The following SPOCK1 variants were observed in gnomAD, a reference collection of about 807,000 sequenced individuals.
SPOCK1 encodes the protein testican-1.
Under a neutral mutation model 55.3 loss-of-function variants are expected in SPOCK1, and 23 were observed. The observed-to-expected ratio is 0.42, with a 90% CI of 0.30 to 0.59. The LOEUF (loss-of-function observed/expected upper bound fraction) is 0.59, where lower values mean the gene tolerates loss of function less well. Ranked by LOEUF, SPOCK1 falls within the 20% of genes least tolerant of loss-of-function variation. The probability of loss-of-function intolerance (pLI) is 0.22; values close to 1 mark genes in which losing one functional copy is unlikely to be tolerated. For synonymous variants in SPOCK1, 226 were observed against 221.0 expected, an observed-to-expected ratio of 1.02 and a Z score of -0.20; for missense variants, 499 against 552.5, an observed-to-expected ratio of 0.90 and a Z score of 0.97.
chr5:137,142,936 G>A (rs967867459), intron 3 of SPOCK1, among the ~76,000 whole-genome samples: 2 of 152,178 alleles, frequency 1.3e-5, no homozygotes, highest in East Asian at 3.9e-4. Context: ...CAACAATTAA[G>A]AATGATTACC....
intron 3 of SPOCK1, among the ~76,000 whole-genome samples, chr5:137,194,752 G>T (rs1193981356): frequency 6.6e-6 from 1 of 152,098 alleles, no homozygotes; most frequent in Admixed American, 6.5e-5. Flanking sequence ...CTACCCCAGA[G>T]CATTCAGTGA....
At chr5:136,994,797 G>A (rs1319910356) in intron 6 of SPOCK1, among the ~76,000 whole-genome samples, 1 of 151,942 alleles carries the variant, frequency 6.6e-6, no homozygotes, top group Non-Finnish European at 1.5e-5. Flanking sequence ...CCTGAGGTCA[G>A]AAGGTTGAGA....
At chr5:137,179,138 G>A (rs1745016056) in intron 3 of SPOCK1, among the ~76,000 whole-genome samples, 1 of 152,186 alleles carries the variant, frequency 6.6e-6, no homozygotes, top group Non-Finnish European at 1.5e-5. Context: ...AAATAGGACT[G>A]TGCAAAAAGG....
At chr5:137,284,191 T>C (rs1223239609) in intron 2 of SPOCK1, among the ~76,000 whole-genome samples, 3 of 152,142 alleles carry the variant, frequency 2.0e-5, no homozygotes, top group South Asian at 2.1e-4. Flanking sequence ...TCACATCTGG[T>C]TCTGTCCAAC....
At chr5:136,987,782 C>T (rs775225586) in intron 8 of SPOCK1, among the ~76,000 whole-genome samples, 1 of 152,152 alleles carries the variant, frequency 6.6e-6, no homozygotes, top group Non-Finnish European at 1.5e-5. Context: ...CTGTGACTGC[C>T]ATACTCAGGT....
At chr5:137,163,488 C>T (rs1031670233) in intron 3 of SPOCK1, among the ~76,000 whole-genome samples, 5 of 152,168 alleles carry the variant, frequency 3.3e-5, no homozygotes, top group Admixed American at 6.5e-5. Flanking sequence ...CTAACTAGTT[C>T]ATTACTAGGC....
intron 2 of SPOCK1, among the ~76,000 whole-genome samples, chr5:137,428,124 G>A (rs1752673268): frequency 6.6e-6 from 1 of 152,100 alleles, no homozygotes; most frequent in Admixed American, 6.5e-5. Context: ...GTCACTCCCT[G>A]GGGCCACTGT....
chr5:136,998,752 A>G (rs1244263706), intron 6 of SPOCK1, among the ~76,000 whole-genome samples: 1 of 152,224 alleles, frequency 6.6e-6, no homozygotes, highest in Admixed American at 6.5e-5. Flanking sequence ...AAGAACTGCG[A>G]ACAGCCTGCT....
intron 4 of SPOCK1, among the ~76,000 whole-genome samples, chr5:137,139,706 C>T (rs956906094): frequency 8.5e-5 from 13 of 152,092 alleles, no homozygotes; most frequent in East Asian, 1.9e-4. Flanking sequence ...AGCCCCACTG[C>T]GACACCTCTC....
At chr5:137,356,618 C>T (rs1201196574) in intron 2 of SPOCK1, among the ~76,000 whole-genome samples, 5 of 150,590 alleles carry the variant, frequency 3.3e-5, no homozygotes, top group African/African-American at 1.2e-4. Context: ...TGGCAAAACC[C>T]CTGTCTCTAC....
chr5:137,182,842 C>A (rs1244169112), intron 3 of SPOCK1, among the ~76,000 whole-genome samples: 1 of 152,162 alleles, frequency 6.6e-6, no homozygotes, highest in Non-Finnish European at 1.5e-5. Flanking sequence ...CCCTCTAGAC[C>A]CACATGCCCG....
At chr5:137,217,412 C>A (rs1755738829) in intron 3 of SPOCK1, among the ~76,000 whole-genome samples, 1 of 152,172 alleles carries the variant, frequency 6.6e-6, no homozygotes, top group Admixed American at 6.5e-5. Context: ...GCCTTGCCTC[C>A]ACCCAGGGAC....
At chr5:137,370,436 G>A (rs1483037502) in intron 2 of SPOCK1, among the ~76,000 whole-genome samples, 2 of 152,228 alleles carry the variant, frequency 1.3e-5, no homozygotes, top group African/African-American at 4.8e-5. Flanking sequence ...GTCAAGAGGT[G>A]AGGAATAAAC....
chr5:137,442,862 T>C (rs1753043847), intron 2 of SPOCK1, among the ~76,000 whole-genome samples: 1 of 152,240 alleles, frequency 6.6e-6, no homozygotes, highest in South Asian at 2.1e-4. Context: ...GTTTTTCATG[T>C]TCCATTTTAA....
At chr5:137,194,070 C>G (rs184356323) in intron 3 of SPOCK1, among the ~76,000 whole-genome samples, 1 of 152,126 alleles carries the variant, frequency 6.6e-6, no homozygotes, top group Non-Finnish European at 1.5e-5. Context: ...TTCTTCCCTT[C>G]GCCCTAAGAA....
At chr5:137,217,373 T>A (rs775412001) in intron 3 of SPOCK1, among the ~76,000 whole-genome samples, 5 of 152,178 alleles carry the variant, frequency 3.3e-5, no homozygotes, top group Non-Finnish European at 5.9e-5. Flanking sequence ...TTCAAGAATG[T>A]GCTGGAGTCT....
At chr5:137,107,720 G>A (rs529318244) in intron 5 of SPOCK1, among the ~76,000 whole-genome samples, 1 of 152,208 alleles carries the variant, frequency 6.6e-6, no homozygotes, top group South Asian at 2.1e-4. Flanking sequence ...CTGACTATTG[G>A]GGGCCCGGAA....
chr5:137,469,494 T>C (rs1354249360), intron 2 of SPOCK1, among the ~76,000 whole-genome samples: 1 of 152,024 alleles, frequency 6.6e-6, no homozygotes, highest in African/African-American at 2.4e-5. Flanking sequence ...ATAAGAGTTA[T>C]GCAAAAAAGT....
At chr5:137,107,040 T>C (rs1753384879) in intron 5 of SPOCK1, among the ~76,000 whole-genome samples, 1 of 152,154 alleles carries the variant, frequency 6.6e-6, no homozygotes, top group Non-Finnish European at 1.5e-5. Context: ...ACCTGAACCA[T>C]CGCTTCCCCA....
Sources: gnomAD v4.1 joint callset for allele counts (sites outside exome capture counted in the v4.1 genomes callset) on GRCh38, gnomAD v4.1.1 for gene constraint, MANE v1.5 for transcripts, NCBI Gene and HGNC (gene_info 2026-07-23, HGNC 2026-07-21) for gene names.